The following EXT2 variants were observed in gnomAD, a reference collection of about 807,000 sequenced individuals.
The protein encoded by EXT2 is exostosin glycosyltransferase 2.
Under a neutral mutation model 81.6 loss-of-function variants are expected in EXT2, and 53 were observed. That is an observed-to-expected ratio of 0.65 (90% CI 0.52 to 0.82). EXT2 has a LOEUF of 0.82. Ranked by LOEUF, EXT2 falls within the 40% of genes least tolerant of loss-of-function variation. The pLI, the probability that EXT2 is intolerant of heterozygous loss-of-function variation, is 0.00. For synonymous variants in EXT2, 320 were observed against 340.0 expected (o/e 0.94, Z 0.65); for missense variants, 774 against 910.2 (o/e 0.85, Z 1.93).
intron 13 of EXT2, among the ~76,000 whole-genome samples, chr11:44,238,996 T>C (rs1381477634): frequency 3.9e-5 from 6 of 152,150 alleles, no homozygotes; most frequent in Admixed American, 1.3e-4. Context: ...TTGAGATTAA[T>C]TTGGAAGTAA....
intron 1 of EXT2, among the ~76,000 whole-genome samples, chr11:44,103,948 T>G (rs1016620236): frequency 1.3e-4 from 20 of 152,214 alleles, no homozygotes; most frequent in Non-Finnish European, 2.8e-4. Flanking sequence ...AACAAACAAC[T>G]TTTAGCCTTG....
At chr11:44,142,908 A>G (rs1954664743) in intron 7 of EXT2, among the ~76,000 whole-genome samples, 1 of 152,254 alleles carries the variant, frequency 6.6e-6, no homozygotes, top group African/African-American at 2.4e-5. Flanking sequence ...AAATGAATTC[A>G]CATATGATAT....
chr11:44,108,381 T>A (rs1954094070), intron 2 of EXT2, 133 bp downstream of exon 2: 1 of 972,732 alleles, frequency 1.0e-6, no homozygotes, highest in South Asian at 1.4e-5. Context: ...CAGGACGGGG[T>A]GTGTTGGAGG....
chr11:44,107,705 G>A lies in EXT2; in HGVS notation c.-8G>A. ...CAGGAGTGTGAGGAAGAGGCTGTCT[G>A]TGTCATTATGTGTGCGTCGGTCAAG... is the stretch of plus-strand genomic sequence containing the variant. On this transcript the variant is annotated 5_prime_UTR_variant, in exon 2 of 14. It adds an upstream start codon to the 5' untranslated region. Transcript: ENST00000533608. 2 of 1,613,056 alleles carry A rather than the reference G, an allele frequency of 1.2e-6. No individual in the cohort carries two copies. Among genetic ancestry groups the A allele is most frequent in the Non-Finnish European group, 1.7e-6 (2 of 1,179,086 alleles).
At chr11:44,117,642 G>T (rs145419732) in intron 4 of EXT2, among the ~76,000 whole-genome samples, 6 of 152,278 alleles carry the variant, frequency 3.9e-5, no homozygotes, top group African/African-American at 1.4e-4. Context: ...TTTATTTTTG[G>T]ATTGTCAATT....
At chr11:44,194,279 A>G (rs1472039240) in intron 8 of EXT2, among the ~76,000 whole-genome samples, 1 of 152,048 alleles carries the variant, frequency 6.6e-6, no homozygotes, top group African/African-American at 2.4e-5. Context: ...TCAGTGTTAT[A>G]TATTCGGTGT....
intron 10 of EXT2, among the ~76,000 whole-genome samples, chr11:44,218,149 A>C (rs1403889110): frequency 6.6e-6 from 1 of 152,210 alleles, no homozygotes; most frequent in East Asian, 1.9e-4. Flanking sequence ...TACTTTGTTC[A>C]CAACTTCCTA....
chr11:44,240,535 C>T (rs965782715), intron 13 of EXT2, among the ~76,000 whole-genome samples: 1 of 152,146 alleles, frequency 6.6e-6, no homozygotes, highest in African/African-American at 2.4e-5. Flanking sequence ...AGCCACTGCA[C>T]TCCTGCCTGG....
rs1352046746 is a variant in EXT2 at position 44,206,826 on chromosome 11, A to G, written c.1529A>G (p.Lys510Arg). ...TGGCCCAAAATCCGGGTTCCATTAA[A>G]AGTTGTGAGGACTGCTGAAAACAAG... Reference protein sequence around the residue: ...SLWPKIRVPLKVVRTAENKLS... With the variant: ...SLWPKIRVPLRVVRTAENKLS... Residue 510 changes from lysine (K) to arginine (R), a missense_variant, in exon 10 of 14, where the codon AAA becomes AGA. By Grantham distance (26) the Lys-to-Arg change is conservative. Coordinates refer to ENST00000533608, the MANE Select transcript of EXT2 (RefSeq NM_207122.2). The G allele has an allele frequency of 6.2e-7, 1 of 1,614,044 alleles. No homozygotes were observed. The highest frequency in any genetic ancestry group is 8.5e-7 in the Non-Finnish European group (1 of 1,179,984).
chr11:44,125,693 T>A (rs1484930124), intron 5 of EXT2, among the ~76,000 whole-genome samples: 4 of 151,988 alleles, frequency 2.6e-5, no homozygotes, highest in Non-Finnish European at 5.9e-5. Flanking sequence ...TTTTTTTTTT[T>A]AATCTCCAGA....
intron 1 of EXT2, among the ~76,000 whole-genome samples, chr11:44,096,603 G>A (rs574097043): frequency 1.3e-5 from 2 of 152,150 alleles, no homozygotes; most frequent in Non-Finnish European, 2.9e-5. Flanking sequence ...GGTGTGTCGG[G>A]CCGGGGCCAG....
intron 8 of EXT2, among the ~76,000 whole-genome samples, chr11:44,173,297 C>T (rs975474249): frequency 2.6e-5 from 4 of 152,126 alleles, no homozygotes; most frequent in African/African-American, 9.7e-5. Flanking sequence ...GCTTCTATCT[C>T]CCCGACTCCA....
chr11:44,237,147 G>A (rs1249301689), intron 13 of EXT2, among the ~76,000 whole-genome samples: 2 of 152,072 alleles, frequency 1.3e-5, no homozygotes, highest in Non-Finnish European at 2.9e-5. Context: ...AATGCACTCA[G>A]ATAAGGATAT....
intron 1 of EXT2, among the ~76,000 whole-genome samples, chr11:44,098,859 C>G (rs982044604): frequency 6.6e-6 from 1 of 152,070 alleles, no homozygotes; most frequent in Admixed American, 6.5e-5. Flanking sequence ...AAATTCCTTC[C>G]TATTTAGGAA....
chr11:44,210,806 T>C (rs1955638613), intron 10 of EXT2, among the ~76,000 whole-genome samples: 1 of 152,122 alleles, frequency 6.6e-6, no homozygotes, highest in Non-Finnish European at 1.5e-5. Flanking sequence ...CCGAGAGAAA[T>C]TGAAGAACAA....
At chr11:44,208,780 T>C (rs1955613357) in intron 10 of EXT2, among the ~76,000 whole-genome samples, 3 of 152,244 alleles carry the variant, frequency 2.0e-5, no homozygotes, top group Admixed American at 2.0e-4. Context: ...GATAACTTGC[T>C]TATAGTCACA....
chr11:44,227,125 G>A (rs894685959), intron 10 of EXT2, among the ~76,000 whole-genome samples: 1 of 152,176 alleles, frequency 6.6e-6, no homozygotes, highest in Non-Finnish European at 1.5e-5. Context: ...GAACGTCCCA[G>A]ATGGGCACCA....
chr11:44,138,295 A>G (rs1440432303), intron 7 of EXT2, among the ~76,000 whole-genome samples: 1 of 152,210 alleles, frequency 6.6e-6, no homozygotes, highest in African/African-American at 2.4e-5. Context: ...TTTAGGAAAG[A>G]AATCAAAGAG....
chr11:44,182,058 A>G (rs967002570), intron 8 of EXT2, among the ~76,000 whole-genome samples: 5 of 152,288 alleles, frequency 3.3e-5, no homozygotes, highest in Middle Eastern at 6.8e-3. Context: ...AGGATGGATA[A>G]TAATTCTGGG....
Sources: gnomAD v4.1 joint callset for allele counts (sites outside exome capture counted in the v4.1 genomes callset) on GRCh38, gnomAD v4.1.1 for gene constraint, MANE v1.5 for transcripts, NCBI Gene and HGNC (gene_info 2026-07-23, HGNC 2026-07-21) for gene names.